Variants in SLIT2 observed in about 807,000 individuals in gnomAD.
SLIT2 encodes slit guidance ligand 2, also known as slit homolog 2 protein.
In SLIT2, 41 loss-of-function variants were observed where a neutral mutation model predicts 185.7. The observed-to-expected ratio is 0.22, with a 90% CI of 0.17 to 0.29. The LOEUF (loss-of-function observed/expected upper bound fraction) is 0.29. SLIT2 is among the 10% of genes least tolerant of loss of function. The probability of loss-of-function intolerance (pLI) is 1.00; values close to 1 mark genes in which losing one functional copy is unlikely to be tolerated. For missense variants in SLIT2, 1,571 were observed against 1,909.0 expected (o/e 0.82, Z 3.30); for synonymous variants, 693 against 680.2 (o/e 1.02, Z -0.29).
intron 4 of SLIT2, among the ~76,000 whole-genome samples, chr4:20,308,390 A>G (rs1717776801): frequency 6.6e-6 from 1 of 152,220 alleles, no homozygotes; most frequent in South Asian, 2.1e-4. Flanking sequence ...ACAGAGGTTT[A>G]TAGTATATAG....
chr4:20,252,969 C>T lies in SLIT2; in HGVS notation c.-847C>T, dbSNP rs1020515401. Among the ~76,000 whole-genome samples the T allele has an allele frequency of 3.3e-5, 5 of 152,206 alleles. No individual in the cohort carries two copies. The highest frequency in any genetic ancestry group is 1.2e-4 in the African/African-American group (5 of 41,458). On this transcript the variant is annotated 5_prime_UTR_variant, in exon 1 of 37. Coordinates refer to ENST00000504154, the MANE Select transcript of SLIT2 (RefSeq NM_004787.4). ...GTGCTGACTAGTGGATATTTCTGCC[C>T]GGCTGCGGCGGCCCGACTGCCCTTT...
At chr4:20,355,962 A>G (rs982804186) in intron 4 of SLIT2, among the ~76,000 whole-genome samples, 1 of 152,158 alleles carries the variant, frequency 6.6e-6, no homozygotes, top group Admixed American at 6.6e-5. Flanking sequence ...CAGACTTTTA[A>G]GGACCTAGCA....
At chr4:20,498,149 G>C (rs1160156883) in intron 9 of SLIT2, among the ~76,000 whole-genome samples, 3 of 152,048 alleles carry the variant, frequency 2.0e-5, no homozygotes, top group African/African-American at 7.2e-5. Context: ...CTCCAGCCTG[G>C]GCAACAGAGC....
chr4:20,301,435 G>T (rs983080119), intron 4 of SLIT2, among the ~76,000 whole-genome samples: 1 of 151,994 alleles, frequency 6.6e-6, no homozygotes, highest in Non-Finnish European at 1.5e-5. Flanking sequence ...TTACCCTTTT[G>T]TTCTTCATGC....
chr4:20,310,148 A>G (rs1236718431), intron 4 of SLIT2, among the ~76,000 whole-genome samples: 1 of 151,584 alleles, frequency 6.6e-6, no homozygotes, highest in East Asian at 1.9e-4. Flanking sequence ...ATACATCACT[A>G]TTTCCTCAAA....
rs567316266 is a variant in SLIT2, at chr4:20,493,930, G to A, written c.914+2031G>A. 1.6e-4 allele frequency among the ~76,000 whole-genome samples: 24 copies of A among 152,290 alleles called. No individual in the cohort carries two copies. The South Asian group carries it at 5.0e-3, about 32-fold the overall frequency. ...CATGAGCTAGGCAGTAGGAATGAAA[G>A]TACAAGATGTAATCAAATAGGAATT... On this transcript the variant is annotated intron_variant, in intron 9 of 36. Transcript: ENST00000504154.
chr4:20,351,118 G>A (rs1280869857), intron 4 of SLIT2, among the ~76,000 whole-genome samples: 3 of 149,852 alleles, frequency 2.0e-5, no homozygotes, highest in African/African-American at 4.9e-5. Flanking sequence ...CTGCAATCTC[G>A]GCTTACTGCA....
intron 4 of SLIT2, among the ~76,000 whole-genome samples, chr4:20,452,873 T>TG (rs1248996725): frequency 6.6e-6 from 1 of 152,192 alleles, no homozygotes; most frequent in Non-Finnish European, 1.5e-5. Flanking sequence ...ATGCTGGAAT[T>TG]GCAGGTGCTC....
At chr4:20,351,249 A>T (rs764462997) in intron 4 of SLIT2, among the ~76,000 whole-genome samples, 2 of 151,864 alleles carry the variant, frequency 1.3e-5, no homozygotes, top group Non-Finnish European at 2.9e-5. Context: ...GAGTTTTGCC[A>T]TGTTGGCCAG....
chr4:20,480,338 G>A (rs1428565479), intron 5 of SLIT2, among the ~76,000 whole-genome samples: 4 of 152,098 alleles, frequency 2.6e-5, no homozygotes. Context: ...TCACTGAGGG[G>A]GTGCATGTGA....
chr4:20,307,231 T>TTTCCTTCC (rs71181557), intron 4 of SLIT2, among the ~76,000 whole-genome samples: 9,471 of 57,570 alleles, frequency 0.16, 1,108 homozygotes, highest in Non-Finnish European at 0.18. Flanking sequence ...CTCTATTTCT[T>TTTCCTTCC]TTCCTTCCTT....
At chr4:20,354,044 A>T (rs2109271563) in intron 4 of SLIT2, among the ~76,000 whole-genome samples, 1 of 152,262 alleles carries the variant, frequency 6.6e-6, no homozygotes, top group Non-Finnish European at 1.5e-5. Flanking sequence ...ACTGCAAAAA[A>T]AGAGTGCTGT....
chr4:20,293,115 G>A (rs1318063726), intron 4 of SLIT2, among the ~76,000 whole-genome samples: 1 of 152,222 alleles, frequency 6.6e-6, no homozygotes, highest in East Asian at 1.9e-4. Context: ...GTTAAAAGGT[G>A]TGCTCATTGA....
rs1722174588 is a variant in SLIT2 at position 20,253,205 on chromosome 4, G to C, written c.-611G>C. The C allele has an allele frequency of 6.5e-6, 1 of 154,670 alleles. No individual in the cohort carries two copies. The highest frequency in any genetic ancestry group is 2.4e-5 in the African/African-American group (1 of 41,472). 9.6% of individuals were successfully genotyped at this position (154,670 alleles called of 1,614,324 possible). ...GCGTGAGTGAGCAGAGTCCAGAGCC[G>C]TGCGCCCCCAGAACTGCGCGTCCGC... On this transcript the variant is annotated 5_prime_UTR_variant, in exon 1 of 37. Coordinates refer to ENST00000504154, the MANE Select transcript of SLIT2 (RefSeq NM_004787.4).
At chr4:20,403,906 A>T (rs2109406216) in intron 4 of SLIT2, among the ~76,000 whole-genome samples, 1 of 151,484 alleles carries the variant, frequency 6.6e-6, no homozygotes, top group Non-Finnish European at 1.5e-5. Flanking sequence ...TTAAAAAAAA[A>T]ACAAAAACAA....
At chr4:20,344,061 G>C (rs1721184985) in intron 4 of SLIT2, among the ~76,000 whole-genome samples, 1 of 152,076 alleles carries the variant, frequency 6.6e-6, no homozygotes, top group East Asian at 1.9e-4. Flanking sequence ...ATGTTGGCCA[G>C]GATGGTCTCG....
At chr4:20,523,677 T>C in intron 12 of SLIT2, 83 bp from the exon 13 acceptor site, 1 of 1,097,848 alleles carries the variant, frequency 9.1e-7, no homozygotes, top group South Asian at 1.4e-5. Flanking sequence ...ATTTCTTGAC[T>C]GGGTTTCCTT....
intron 4 of SLIT2, among the ~76,000 whole-genome samples, chr4:20,416,481 T>C (rs1436174527): frequency 1.3e-5 from 2 of 152,148 alleles, no homozygotes; most frequent in Admixed American, 6.5e-5. Flanking sequence ...CTTCAACATA[T>C]GAATTTTGGG....
intron 4 of SLIT2, among the ~76,000 whole-genome samples, chr4:20,436,205 TAAG>T (rs1198547979): frequency 2.0e-5 from 3 of 152,232 alleles, no homozygotes; most frequent in Non-Finnish European, 4.4e-5. Flanking sequence ...ATCAAAATAA[TAAG>T]ATTACTCTCC....
Sources: gnomAD v4.1 joint callset for allele counts (sites outside exome capture counted in the v4.1 genomes callset) on GRCh38, gnomAD v4.1.1 for gene constraint, MANE v1.5 for transcripts, NCBI Gene and HGNC (gene_info 2026-07-23, HGNC 2026-07-21) for gene names.